SLC18A2: variants seen among roughly 807,000 people sequenced by gnomAD.
SLC18A2 encodes the protein solute carrier family 18 member A2.
Under a neutral mutation model 59.2 loss-of-function variants are expected in SLC18A2, and 33 were observed. That is an observed-to-expected ratio of 0.56 (90% confidence interval 0.42 to 0.75). The LOEUF is 0.75. SLC18A2 is among the 30% of genes least tolerant of loss of function. SLC18A2 has a pLI of 0.00. For synonymous variants in SLC18A2, 228 were observed against 253.5 expected, an observed-to-expected ratio of 0.90 and a Z score of 0.95; for missense variants, 569 against 668.6, an observed-to-expected ratio of 0.85 and a Z score of 1.64.
At position 117,269,092 on chromosome 10, in the gene SLC18A2, C is replaced by G. The variant is rs918919301; in HGVS notation, c.1187-979C>G. Among the ~76,000 whole-genome samples, 4 of 151,528 alleles carry G rather than the reference C, an allele frequency of 2.6e-5. No individual in the cohort carries two copies. The highest frequency in any genetic ancestry group is 4.4e-5 in the Non-Finnish European group (3 of 67,892). On this transcript the variant is annotated intron_variant, in intron 13 of 15. Transcript: ENST00000644641. The surrounding 1 kb of genome is among the most constrained non-coding windows in gnomAD (Gnocchi z 5.1). Reference sequence around the variant, plus strand: ...ACACATACACAAATATACATACACACATATGCATACATACATACACGTAGA... The same window carrying G: ...ACACATACACAAATATACATACACAGATATGCATACATACATACACGTAGA...
chr10:117,273,985 C>T (rs1024504676), intron 15 of SLC18A2, among the ~76,000 whole-genome samples: 1 of 152,144 alleles, frequency 6.6e-6, no homozygotes, highest in African/African-American at 2.4e-5. Context: ...GGTTGAGAGT[C>T]AAACACACCT....
chr10:117,252,745 G>A (rs1185679951), intron 3 of SLC18A2, among the ~76,000 whole-genome samples: 1 of 152,160 alleles, frequency 6.6e-6, no homozygotes, highest in Non-Finnish European at 1.5e-5. Context: ...GGACTGAGAG[G>A]AGACCTCCCT....
chr10:117,264,087 G>A (rs1026520662), intron 10 of SLC18A2, among the ~76,000 whole-genome samples: 9 of 152,314 alleles, frequency 5.9e-5, no homozygotes, highest in African/African-American at 1.9e-4. Context: ...TCATCTCCCC[G>A]CAGGCTTCGT....
At chr10:117,275,845 C>T (rs1468093492) in intron 15 of SLC18A2, among the ~76,000 whole-genome samples, 1 of 152,076 alleles carries the variant, frequency 6.6e-6, no homozygotes, top group Non-Finnish European at 1.5e-5. Context: ...GTTTCATGCT[C>T]ATCAGAAGAG....
At chr10:117,253,548 A>ACGG in intron 4 of SLC18A2, 91 bp downstream of exon 4, 1 of 46,452 alleles carries the variant, frequency 2.2e-5, no homozygotes, top group Non-Finnish European at 4.3e-5. Context: ...CAACCTAAGG[A>ACGG]CGGCGGGGGG....
chr10:117,243,935 G>A (rs558329655), intron 2 of SLC18A2, 36 bp from the exon 3 acceptor site: 2 of 1,553,800 alleles, frequency 1.3e-6, no homozygotes, highest in African/African-American at 1.4e-5. Context: ...GGGTTTCAGT[G>A]TGATCACCAC....
chr10:117,256,241 A>C (rs1356391102), intron 9 of SLC18A2, among the ~76,000 whole-genome samples: 1 of 152,178 alleles, frequency 6.6e-6, no homozygotes, highest in South Asian at 2.1e-4. Context: ...ACTCTTGGGA[A>C]GGATAATGGT....
intron 10 of SLC18A2, among the ~76,000 whole-genome samples, chr10:117,263,763 C>T (rs773108912): frequency 8.0e-4 from 122 of 151,762 alleles, no homozygotes; most frequent in Non-Finnish European, 1.4e-3. Flanking sequence ...ACAACAGGCC[C>T]CAGACAAGGA....
intron 3 of SLC18A2, among the ~76,000 whole-genome samples, chr10:117,250,607 C>T (rs1187236115): frequency 6.6e-6 from 1 of 152,232 alleles, no homozygotes; most frequent in Non-Finnish European, 1.5e-5. Context: ...ATCCCATGTG[C>T]TCCAGCGTCC....
intron 10 of SLC18A2, among the ~76,000 whole-genome samples, chr10:117,258,862 G>A (rs1444197780): frequency 6.6e-6 from 1 of 151,242 alleles, no homozygotes; most frequent in Non-Finnish European, 1.5e-5. Context: ...TGCCTCCCGG[G>A]TTCAAGCGAT....
At chr10:117,263,180 G>A (rs1383687361) in intron 10 of SLC18A2, among the ~76,000 whole-genome samples, 2 of 152,210 alleles carry the variant, frequency 1.3e-5, no homozygotes, top group East Asian at 3.8e-4. Flanking sequence ...ACCAGCAGGA[G>A]GGGAAATACC....
At chr10:117,261,785 A>G (rs547539341) in intron 10 of SLC18A2, among the ~76,000 whole-genome samples, 1 of 152,320 alleles carries the variant, frequency 6.6e-6, no homozygotes, top group Admixed American at 6.5e-5. Flanking sequence ...ATGGAGAGAA[A>G]CTGCTAATGG....
intron 6 of SLC18A2, among the ~76,000 whole-genome samples, chr10:117,254,815 G>A (rs138492291): frequency 1.3e-5 from 2 of 152,302 alleles, no homozygotes; most frequent in East Asian, 1.9e-4. Context: ...GGAGAACCTT[G>A]CTTTCTGGGT....
intron 10 of SLC18A2, among the ~76,000 whole-genome samples, chr10:117,258,830 G>A (rs1348313903): frequency 6.8e-6 from 1 of 147,362 alleles, no homozygotes; most frequent in African/African-American, 2.5e-5. Context: ...GCGGTGGCAC[G>A]ATCTCCACTC....
chr10:117,254,507 GC>G lies in SLC18A2; in HGVS notation c.700+15del. Reference sequence around the variant, plus strand: ...GCCATGGGGGTCTTAGGTGGGTAAGGCCCCCGTGTAGGCAAACTGGCAAGAG... The same window carrying G: ...GCCATGGGGGTCTTAGGTGGGTAAGGCCCCGTGTAGGCAAACTGGCAAGAG... On this transcript the variant is annotated intron_variant, in intron 6 of 15. Coordinates refer to ENST00000644641, the MANE Select transcript of SLC18A2 (RefSeq NM_003054.6). The G allele has an allele frequency of 6.3e-7, 1 of 1,585,528 alleles. No individual in the cohort carries two copies. Among genetic ancestry groups the G allele is most frequent in the Non-Finnish European group, 8.6e-7 (1 of 1,165,316 alleles).
chr10:117,278,891 C>G lies in SLC18A2; in HGVS notation c.*1625C>G, dbSNP rs1445687994. The G allele has an allele frequency of 6.6e-6, 1 of 152,194 alleles. No homozygotes were observed. The highest frequency in any genetic ancestry group is 1.5e-5 in the Non-Finnish European group (1 of 68,036). The allele number at this position is 152,194 out of a possible 1,614,324, so 9.4% of individuals were successfully genotyped here. On this transcript the variant is annotated 3_prime_UTR_variant, in exon 16 of 16. Coordinates refer to ENST00000644641, the MANE Select transcript of SLC18A2 (RefSeq NM_003054.6). ...GGAAGATGGCTCTGGAGGAAACTCT[C>G]ATATGGCTAAAAAGGCAGGCTAGTT...
intron 2 of SLC18A2, chr10:117,242,029 CTG>C: frequency 2.1e-6 from 1 of 478,044 alleles, no homozygotes; most frequent in Non-Finnish European, 3.7e-6. Flanking sequence ...GGGTCAAAAA[CTG>C]TGACATCCGA....
chr10:117,241,607 C>T, intron 1 of SLC18A2, 72 bp from the exon 2 acceptor site: 1 of 1,427,384 alleles, frequency 7.0e-7, no homozygotes, highest in South Asian at 1.4e-5. Flanking sequence ...ACCCGCCCTT[C>T]CGCGGCCTGG....
At chr10:117,270,550 C>G in intron 15 of SLC18A2, 87 bp downstream of exon 15, 2 of 1,465,216 alleles carry the variant, frequency 1.4e-6, no homozygotes, top group Non-Finnish European at 1.9e-6. Context: ...CATTCTAAAG[C>G]CTTCAAACAT....
Sources: allele counts gnomAD v4.1 joint callset (sites outside exome capture counted in the v4.1 genomes callset), GRCh38; gene constraint gnomAD v4.1.1; non-coding constraint Gnocchi (gnomAD v3.1); transcripts MANE v1.5; gene names NCBI Gene and HGNC (gene_info 2026-07-23, HGNC 2026-07-21).